RCC2: variants seen among roughly 807,000 people sequenced by gnomAD.
RCC2 encodes the protein protein RCC2.
Under a neutral mutation model 64.1 loss-of-function variants are expected in RCC2, and 19 were observed. The ratio of observed to expected loss-of-function variants is 0.30; its 90% CI spans 0.21 to 0.44. The LOEUF is 0.44. RCC2 is among the 20% of genes least tolerant of loss of function. RCC2 has a pLI of 1.00. For synonymous variants in RCC2, 325 were observed against 279.6 expected, an observed-to-expected ratio of 1.16 and a Z score of -1.62; for missense variants, 508 against 710.4, an observed-to-expected ratio of 0.72 and a Z score of 3.24.
chr1:17,416,807 T>G (rs1001856970), intron 7 of RCC2, among the ~76,000 whole-genome samples, 161 bp from the exon 8 acceptor site: 5 of 152,176 alleles, frequency 3.3e-5, no homozygotes, highest in Non-Finnish European at 7.3e-5. Flanking sequence ...ATTTCCAATC[T>G]TAGGCACAGC....
Position 17,438,248 on chromosome 1 carries a change from C to T in RCC2, c.267G>A (p.Glu89=). The T allele has an allele frequency of 7.5e-7, 1 of 1,330,672 alleles. No individual in the cohort carries two copies. Among genetic ancestry groups the T allele is most frequent in the Non-Finnish European group, 9.8e-7 (1 of 1,021,520 alleles). 82.4% of individuals were successfully genotyped at this position (1,330,672 alleles called of 1,614,324 possible). Residue 89 remains glutamate (E), a synonymous_variant, in exon 2 of 13, where the codon GAG becomes GAA. Transcript: ENST00000375436. ...GGAAVVITEP[E]HTKERVKLEG... is the part of the protein sequence containing the mutation. ...CACTCACGACGCGCTCCTTGGTGTGCTCGGGTTCGGTGATGACCACGGCCG... is the reference window on the plus strand; with the variant it reads ...CACTCACGACGCGCTCCTTGGTGTGTTCGGGTTCGGTGATGACCACGGCCG...
intron 7 of RCC2, among the ~76,000 whole-genome samples, chr1:17,417,568 G>C (rs2075501894): frequency 6.6e-6 from 1 of 152,140 alleles, no homozygotes; most frequent in Non-Finnish European, 1.5e-5. Context: ...CTATAGTCCA[G>C]CTACTTGGGA....
intron 3 of RCC2, among the ~76,000 whole-genome samples, chr1:17,426,574 C>A (rs2075618632): frequency 6.6e-6 from 1 of 152,014 alleles, no homozygotes. Flanking sequence ...CTTCCTGAGC[C>A]CCCCAGCCCT....
At chr1:17,433,722 T>A (rs1384425295) in intron 2 of RCC2, among the ~76,000 whole-genome samples, 4 of 152,090 alleles carry the variant, frequency 2.6e-5, no homozygotes, top group Non-Finnish European at 5.9e-5. Context: ...ATCAACAAAA[T>A]GGGATTTCTA....
chr1:17,409,307 T>G, intron 12 of RCC2, 113 bp from the exon 13 acceptor site: 1 of 729,802 alleles, frequency 1.4e-6, no homozygotes, highest in Non-Finnish European at 2.4e-6. Flanking sequence ...AAAAACAGAG[T>G]GCCCTTGAAA....
intron 12 of RCC2, 136 bp from the exon 13 acceptor site, chr1:17,409,330 C>T (rs1367477537): frequency 1.5e-6 from 1 of 652,678 alleles, no homozygotes; most frequent in Non-Finnish European, 2.8e-6. Flanking sequence ...TGCAAAAAGC[C>T]CCTCTGCCCA....
At chr1:17,432,907 G>C (rs549854622) in intron 2 of RCC2, among the ~76,000 whole-genome samples, 1 of 152,114 alleles carries the variant, frequency 6.6e-6, no homozygotes, top group East Asian at 1.9e-4. Flanking sequence ...GCAGTGAGCC[G>C]AGATCGCGCC....
chr1:17,412,147 C>A lies in RCC2; in HGVS notation c.1361G>T (p.Gly454Val). The change falls in exon 11 of 13, where the codon GGT (glycine) becomes GTT (valine). Residue 454 changes from glycine to valine, a missense_variant. Coordinates refer to ENST00000375436, the MANE Select transcript of RCC2 (RefSeq NM_018715.4). ...VAADESTISW[G>V]PSPTFGELGY... ...CAGTTCCCCAAAGGTCGGTGACGGA[C>A]CCCAGCTGATGGTGCTCTCATCGGC... 1 of 1,614,150 alleles carries A rather than the reference C, an allele frequency of 6.2e-7. No individual in the cohort carries two copies. The highest frequency in any genetic ancestry group is 8.5e-7 in the Non-Finnish European group (1 of 1,180,016).
Position 17,410,033 on chromosome 1 carries a change from G to C in RCC2, c.1405C>G (p.Pro469Ala), listed in dbSNP as rs752583266. 6.2e-7 allele frequency: 1 copy of C among 1,614,082 alleles called. No individual in the cohort carries two copies. Among genetic ancestry groups the C allele is most frequent in the East Asian group, 2.2e-5 (1 of 44,858 alleles). The part of the protein sequence containing the change: ...FGELGYGDHK[P>A]KSSTAAQEVK... ...TCCTGGGCTGCAGTGGAAGACTTGGGCTTGTGGTCCCCGTAGCCCTGGCGA... is the reference window on the plus strand; with the variant it reads ...TCCTGGGCTGCAGTGGAAGACTTGGCCTTGTGGTCCCCGTAGCCCTGGCGA... Residue 469 changes from proline (P) to alanine (A), a missense_variant, in exon 12 of 13, where the codon CCC becomes GCC. Coordinates refer to ENST00000375436, the MANE Select transcript of RCC2 (RefSeq NM_018715.4).
At chr1:17,434,637 T>A (rs1233600289) in intron 2 of RCC2, among the ~76,000 whole-genome samples, 1 of 152,192 alleles carries the variant, frequency 6.6e-6, no homozygotes, top group East Asian at 1.9e-4. Flanking sequence ...GGACTGGACT[T>A]GCAACTGGTG....
chr1:17,429,032 C>T lies in RCC2; in HGVS notation c.379+74G>A, dbSNP rs1035956831. 1.1e-4 allele frequency: 128 copies of T among 1,156,208 alleles called. No homozygotes were observed. The highest frequency in any genetic ancestry group is 1.5e-4 in the Non-Finnish European group (117 of 764,066). 71.6% of individuals were successfully genotyped at this position (1,156,208 alleles called of 1,614,324 possible). A position where few individuals can be genotyped will look rare whatever the true frequency, so the allele number is the denominator to read the frequency against. ...ATGCATTTGTAAATGAAGGGAATAC[C>T]TACCAGGCAGGTGGTCAACAGAACC... On this transcript the variant is annotated intron_variant, in intron 3 of 12. Coordinates refer to ENST00000375436, the MANE Select transcript of RCC2 (RefSeq NM_018715.4).
At chr1:17,437,030 T>TACA (rs1363712761) in intron 2 of RCC2, among the ~76,000 whole-genome samples, 1 of 152,212 alleles carries the variant, frequency 6.6e-6, no homozygotes, top group Non-Finnish European at 1.5e-5. Context: ...AAGGCACTTT[T>TACA]ACAAAGCATA....
chr1:17,434,700 A>G (rs534770974), intron 2 of RCC2, among the ~76,000 whole-genome samples: 1 of 152,210 alleles, frequency 6.6e-6, no homozygotes, highest in Admixed American at 6.5e-5. Flanking sequence ...GAGGAAATCT[A>G]CCTCCAGGTG....
intron 2 of RCC2, among the ~76,000 whole-genome samples, chr1:17,431,351 A>ATATAT (rs1386184440): frequency 2.0e-5 from 1 of 50,548 alleles, no homozygotes; most frequent in African/African-American, 8.2e-5. Context: ...AAAAAAAAAA[A>ATATAT]AAAAAAAAAT....
At chr1:17,414,548 G>GA (rs2075461153) in intron 8 of RCC2, among the ~76,000 whole-genome samples, 1 of 142,332 alleles carries the variant, frequency 7.0e-6, no homozygotes. Context: ...AAAACAAAAC[G>GA]AAACAAAAAA....
intron 2 of RCC2, among the ~76,000 whole-genome samples, 187 bp downstream of exon 2, chr1:17,438,043 G>A (rs2075758647): frequency 6.8e-6 from 1 of 146,364 alleles, no homozygotes; most frequent in Non-Finnish European, 1.5e-5. Flanking sequence ...CGGGCCGCGC[G>A]CCCCGTACCG....
rs1028935727 is a variant in RCC2 at position 17,438,607 on chromosome 1, C to A, written c.-8-85G>T. 13 of 1,206,764 alleles carry A rather than the reference C, an allele frequency of 1.1e-5. No homozygotes were observed. In the African/African-American group the frequency reaches 2.0e-4, roughly 19 times the overall value. The allele number at this position is 1,206,764 out of a possible 1,614,324, so 74.8% of individuals were successfully genotyped here. On this transcript the variant is annotated intron_variant, in intron 1 of 12. Transcript: ENST00000375436. ...GGGGAGCGGAGACGAGCCACCCGGC[C>A]TCCACTTCCTCCTCTGCCCTCCCCA... is the stretch of plus-strand genomic sequence containing the variant.
chr1:17,436,331 C>T (rs1302006583), intron 2 of RCC2, among the ~76,000 whole-genome samples: 1 of 152,110 alleles, frequency 6.6e-6, no homozygotes, highest in African/African-American at 2.4e-5. Context: ...TGGTAAAACC[C>T]AGCCTCTACA....
intron 3 of RCC2, among the ~76,000 whole-genome samples, chr1:17,426,564 C>G (rs2075618492): frequency 6.6e-6 from 1 of 152,112 alleles, no homozygotes; most frequent in Non-Finnish European, 1.5e-5. Flanking sequence ...CCACAGCTCT[C>G]TTCCTGAGCC....
Sources: allele counts gnomAD v4.1 joint callset (sites outside exome capture counted in the v4.1 genomes callset), GRCh38; gene constraint gnomAD v4.1.1; transcripts MANE v1.5; gene names NCBI Gene and HGNC (gene_info 2026-07-23, HGNC 2026-07-21).